The following SUPT20H variants were observed in gnomAD, a reference collection of about 807,000 sequenced individuals.
The protein encoded by SUPT20H is transcription factor SPT20 homolog.
A neutral mutation model predicts 122.8 loss-of-function variants in SUPT20H; 82 were observed. That is an observed-to-expected ratio of 0.67 (90% CI 0.56 to 0.80). The LOEUF is 0.80. Ranked by LOEUF, SUPT20H falls within the 30% of genes least tolerant of loss-of-function variation. The pLI is 0.00. For synonymous variants in SUPT20H, 291 were observed against 313.0 expected (o/e 0.93, Z 0.74); for missense variants, 831 against 921.6 (o/e 0.90, Z 1.27).
chr13:37,021,839 T>C (rs1018095828), intron 20 of SUPT20H, among the ~76,000 whole-genome samples, 172 bp downstream of exon 20: 1 of 152,204 alleles, frequency 6.6e-6, no homozygotes, highest in Non-Finnish European at 1.5e-5. Flanking sequence ...TTAACAGATG[T>C]ATTATTTAAA....
At chr13:37,015,241 C>A (rs888866179) in intron 23 of SUPT20H, among the ~76,000 whole-genome samples, 1 of 150,570 alleles carries the variant, frequency 6.6e-6, no homozygotes, top group Non-Finnish European at 1.5e-5. Context: ...GAGAAAATAT[C>A]TGGAAATCAA....
Position 37,033,439 on chromosome 13 carries a change from A to G in SUPT20H, c.707+10T>C, listed in dbSNP as rs1462869339. On this transcript the variant is annotated intron_variant, in intron 10 of 25. Transcript: ENST00000350612. ...TGTCTTTTGGTTCACCCTTCCACAA[A>G]GGCAATTACCGTTTCATTGGGCGAG... 6.2e-7 allele frequency: 1 copy of G among 1,606,636 alleles called. No homozygotes were observed. Among genetic ancestry groups the G allele is most frequent in the South Asian group, 1.1e-5 (1 of 89,492 alleles).
At position 37,014,279 on chromosome 13, in the gene SUPT20H, A is replaced by G. The variant is rs141986443; in HGVS notation, c.1993-1982T>C. On this transcript the variant is annotated intron_variant, in intron 23 of 25. Coordinates refer to ENST00000350612, the MANE Select transcript of SUPT20H (RefSeq NM_001014286.3). ...TCAAAAAACAACCTTTAGCAAAAGG[A>G]AAAATAGAAATTTTCAGTTTTGGTT... 1.5e-3 allele frequency among the ~76,000 whole-genome samples: 233 copies of G among 152,244 alleles called. 1 individual carries two copies. Among genetic ancestry groups the G allele is most frequent in the African/African-American group, 5.4e-3 (225 of 41,568 alleles).
At chr13:37,033,425 T>C (rs1195634117) in intron 10 of SUPT20H, 24 bp downstream of exon 10, 51 of 1,604,308 alleles carry the variant, frequency 3.2e-5, no homozygotes, top group Non-Finnish European at 4.3e-5. Flanking sequence ...GTCTTTTGGT[T>C]CACCCTTCCA....
chr13:37,019,460 T>C (rs1206718783), intron 21 of SUPT20H, 63 bp from the exon 22 acceptor site: 6 of 1,165,156 alleles, frequency 5.1e-6, no homozygotes, highest in Non-Finnish European at 4.9e-6. Context: ...AAATAATTTA[T>C]ACTTTAGTAT....
rs200334194 is a variant in SUPT20H, at chr13:37,009,821, A to T, written c.2203-12T>A. ...AAGAATCGCAACTGCTGCAAAAGGG[A>T]GGGAAAAAAATCGAGTTATGTTAAA... is the stretch of plus-strand genomic sequence containing the variant. On this transcript the variant is annotated splice_polypyrimidine_tract_variant and intron_variant, in intron 25 of 25. Coordinates refer to ENST00000350612, the MANE Select transcript of SUPT20H (RefSeq NM_001014286.3). The T allele has an allele frequency of 1.0e-5, 16 of 1,604,108 alleles. No homozygotes were observed. The highest frequency in any genetic ancestry group is 1.2e-5 in the Non-Finnish European group (14 of 1,177,094).
intron 1 of SUPT20H, among the ~76,000 whole-genome samples, chr13:37,057,516 C>T (rs2069371744): frequency 7.6e-6 from 1 of 130,766 alleles, no homozygotes; most frequent in Non-Finnish European, 1.6e-5. Flanking sequence ...TGTTTTTTGC[C>T]AAGCCATTAA....
intron 23 of SUPT20H, among the ~76,000 whole-genome samples, chr13:37,015,866 T>C (rs1443424030): frequency 2.0e-5 from 3 of 152,188 alleles, no homozygotes; most frequent in Non-Finnish European, 2.9e-5. Flanking sequence ...TTCTGACACA[T>C]GCTATAAAAT....
rs2139670926 is a variant in SUPT20H at position 37,025,452 on chromosome 13, G to A, written c.1212-15C>T. 1 of 1,568,330 alleles carries A rather than the reference G, an allele frequency of 6.4e-7. No homozygotes were observed. Among genetic ancestry groups the A allele is most frequent in the Admixed American group, 1.7e-5 (1 of 58,812 alleles). ...GATTGACTACCCTAAAATATCAGGA[G>A]AAAACAGGTAAAGATTAGAAAACCT... On this transcript the variant is annotated splice_polypyrimidine_tract_variant and intron_variant, in intron 16 of 25. Transcript: ENST00000350612.
chr13:37,058,402 T>G lies in SUPT20H; in HGVS notation c.-94+1157A>C, dbSNP rs187173001. The stretch of plus-strand genomic sequence containing the variant: ...AAGCTCGTAGGAGGTTTAAGTTGAA[T>G]TTAGGTGAACGTGAAAATTTTCTGA... On this transcript the variant is annotated intron_variant, in intron 1 of 25. Transcript: ENST00000350612. Among the ~76,000 whole-genome samples the G allele has an allele frequency of 4.1e-3, 626 of 152,348 alleles. 5 individuals are homozygous for G. Among genetic ancestry groups the G allele is most frequent in the African/African-American group, 0.015 (610 of 41,584 alleles).
At chr13:37,042,471 CAT>C (rs142902973) in intron 7 of SUPT20H, among the ~76,000 whole-genome samples, 43 of 152,150 alleles carry the variant, frequency 2.8e-4, no homozygotes, top group East Asian at 7.7e-4. Flanking sequence ...TGAAAACACA[CAT>C]GTTTATGGAT....
rs373791152 is a variant in SUPT20H, at chr13:37,021,990, C to T, written c.1661+21G>A. On this transcript the variant is annotated intron_variant, in intron 20 of 25. Coordinates refer to ENST00000350612, the MANE Select transcript of SUPT20H (RefSeq NM_001014286.3). ...AAACTATCTTTATAAAAAAAAAATC[C>T]GAACATCAATGCAAACTTACCAAAC... 6.2e-5 allele frequency: 95 copies of T among 1,524,972 alleles called. 2 individuals carry two copies. In the Middle Eastern group the frequency reaches 6.5e-4, roughly 10 times the overall value. The allele number at this position is 1,524,972 out of a possible 1,614,324, so 94.5% of individuals were successfully genotyped here.
Position 37,054,298 on chromosome 13 carries a change from T to G in SUPT20H, c.-93-2715A>C, listed in dbSNP as rs1413154310. Among the ~76,000 whole-genome samples the G allele has an allele frequency of 2.0e-5, 3 of 152,266 alleles. No individual in the cohort carries two copies. The East Asian group carries it at 5.8e-4, about 29-fold the overall frequency. On this transcript the variant is annotated intron_variant, in intron 1 of 25. Coordinates refer to ENST00000350612, the MANE Select transcript of SUPT20H (RefSeq NM_001014286.3). ...CCAGCATCATCCTGATACCAAAGCC[T>G]GGCAGAGACACAACAAAAAAAGAGA...
chr13:37,029,734 T>C, intron 13 of SUPT20H, 31 bp downstream of exon 13: 2 of 1,582,314 alleles, frequency 1.3e-6, no homozygotes, highest in Non-Finnish European at 1.7e-6. Flanking sequence ...AATGGCATAA[T>C]TAGAAACAGA....
chr13:37,045,293 T>C lies in SUPT20H; in HGVS notation c.246A>G (p.Pro82=). The change falls in exon 6 of 26, where the codon CCA becomes CCG. Residue 82 remains proline (P), a synonymous_variant. Coordinates refer to ENST00000350612, the MANE Select transcript of SUPT20H (RefSeq NM_001014286.3). ...TLSCLVVNLY[P]GNEGYSLMLR... is the part of the protein sequence containing the mutation. ...GCATCAGAGAATATCCCTCATTTCCTGGGTATAGATTGACCACTAAACATG... is the reference window on the plus strand; with the variant it reads ...GCATCAGAGAATATCCCTCATTTCCCGGGTATAGATTGACCACTAAACATG... 1 of 1,613,808 alleles carries C rather than the reference T, an allele frequency of 6.2e-7. No homozygotes were observed. Among genetic ancestry groups the C allele is most frequent in the Non-Finnish European group, 8.5e-7 (1 of 1,179,788 alleles).
At position 37,045,443 on chromosome 13, in the gene SUPT20H, A is replaced by G. The variant is rs1338316523; in HGVS notation, c.166-70T>C. Reference sequence around the variant, plus strand: ...CCTTAACAAATAATGCTATGATTTAACAAAATCAGGCTTGAATTAACCTTT... The same window carrying G: ...CCTTAACAAATAATGCTATGATTTAGCAAAATCAGGCTTGAATTAACCTTT... On this transcript the variant is annotated intron_variant, in intron 5 of 25. Coordinates refer to ENST00000350612, the MANE Select transcript of SUPT20H (RefSeq NM_001014286.3). 1.9e-6 allele frequency: 3 copies of G among 1,559,496 alleles called. No homozygotes were observed. In the African/African-American group the frequency reaches 4.1e-5, roughly 21 times the overall value.
intron 21 of SUPT20H, among the ~76,000 whole-genome samples, chr13:37,020,204 CA>C (rs766226813): frequency 9.2e-5 from 14 of 151,476 alleles, no homozygotes; most frequent in African/African-American, 1.5e-4. Context: ...TCTATCATAT[CA>C]TTTTTTTTTT....
chr13:37,053,186 A>G (rs1348601833), intron 1 of SUPT20H, among the ~76,000 whole-genome samples: 1 of 152,220 alleles, frequency 6.6e-6, no homozygotes, highest in Non-Finnish European at 1.5e-5. Flanking sequence ...CCAAAGGATT[A>G]TAAATCATTC....
rs943730121 is a variant in SUPT20H, at chr13:37,035,351, T to C, written c.568-1763A>G. The stretch of plus-strand genomic sequence containing the variant: ...GTTTGGGAGAAGTTGATTCCAACCT[T>C]CATGGATGACTCCAAGGGGTTCAAG... On this transcript the variant is annotated intron_variant, in intron 9 of 25. Transcript: ENST00000350612. 6.6e-5 allele frequency among the ~76,000 whole-genome samples: 10 copies of C among 152,256 alleles called. No individual in the cohort carries two copies. In the East Asian group the frequency reaches 1.5e-3, roughly 24 times the overall value.
Sources: allele counts gnomAD v4.1 joint callset (sites outside exome capture counted in the v4.1 genomes callset), GRCh38; gene constraint gnomAD v4.1.1; transcripts MANE v1.5; gene names NCBI Gene and HGNC (gene_info 2026-07-23, HGNC 2026-07-21).